HTT: variants seen among roughly 807,000 people sequenced by gnomAD.
HTT encodes the protein huntingtin, also known as huntington disease protein.
In HTT, 104 loss-of-function variants were observed where a neutral mutation model predicts 362.3. The observed-to-expected ratio is 0.29, with a 90% CI of 0.24 to 0.34. The LOEUF is 0.34. Among genes scored for constraint, HTT ranks in the 10% least tolerant of loss-of-function variants. The probability of loss-of-function intolerance (pLI) is 1.00; values close to 1 mark genes in which losing one functional copy is unlikely to be tolerated. For missense variants in HTT, 3,301 were observed against 3,928.6 expected (o/e 0.84, Z 4.27); for synonymous variants, 1,577 against 1,548.7 (o/e 1.02, Z -0.43).
intron 38 of HTT, among the ~76,000 whole-genome samples, chr4:3,187,310 T>C (rs112726921): frequency 2.3e-4 from 35 of 151,692 alleles, no homozygotes; most frequent in Admixed American, 1.0e-3. Context: ...TGCGTGCCAC[T>C]GTGCCCGGCT....
In HTT at chr4:3,116,097, C is replaced by G. The variant is rs1473697818; in HGVS notation, c.902C>G (p.Pro301Arg). The G allele has an allele frequency of 6.2e-7, 1 of 1,610,346 alleles. No individual in the cohort carries two copies. Among genetic ancestry groups the G allele is most frequent in the Non-Finnish European group, 8.5e-7 (1 of 1,177,912 alleles). ...TCCACCCCCACAGGCTTACTCGTTCCTGTCGAGGATGAACACTCCACTCTG... is the reference window on the plus strand; with the variant it reads ...TCCACCCCCACAGGCTTACTCGTTCGTGTCGAGGATGAACACTCCACTCTG... The part of the protein sequence containing the change: ...LLNVLLGLLV[P>R]VEDEHSTLLI... Residue 301 changes from proline to arginine, a missense_variant, in exon 8 of 67, where the codon CCT becomes CGT. Coordinates refer to ENST00000355072, the MANE Select transcript of HTT (RefSeq NM_001388492.1).
chr4:3,170,138 T>C (rs1389312858), intron 29 of HTT, among the ~76,000 whole-genome samples: 1 of 152,228 alleles, frequency 6.6e-6, no homozygotes, highest in Non-Finnish European at 1.5e-5. Context: ...CCCAACCTTG[T>C]GAATTTTACT....
At chr4:3,179,426 A>G (rs956073844) in intron 35 of HTT, among the ~76,000 whole-genome samples, 2 of 152,134 alleles carry the variant, frequency 1.3e-5, no homozygotes, top group Non-Finnish European at 2.9e-5. Flanking sequence ...AGGGTCAGAG[A>G]GTATACCCAT....
At chr4:3,225,851 G>T in intron 57 of HTT, 108 bp downstream of exon 57, 42 of 699,628 alleles carry the variant, frequency 6.0e-5, no homozygotes, top group South Asian at 1.9e-4. Flanking sequence ...ATGAAAGGAA[G>T]TTTTCCTTTT....
chr4:3,179,631 A>AGTGTGCCT (rs1210065232), intron 35 of HTT, among the ~76,000 whole-genome samples: 1 of 145,460 alleles, frequency 6.9e-6, no homozygotes, highest in African/African-American at 2.6e-5. Context: ...GAGGGGTCAG[A>AGTGTGCCT]GTGTGCCTGT....
intron 66 of HTT, among the ~76,000 whole-genome samples, chr4:3,239,257 G>A (rs1456109859): frequency 6.6e-6 from 1 of 152,174 alleles, no homozygotes; most frequent in East Asian, 1.9e-4. Flanking sequence ...AGCGAGGGTG[G>A]GCGGTGGTCT....
intron 37 of HTT, among the ~76,000 whole-genome samples, chr4:3,186,048 G>A (rs1043218273): frequency 2.2e-4 from 34 of 152,300 alleles, no homozygotes; most frequent in African/African-American, 7.9e-4. Context: ...GAGCAGAGAC[G>A]TTTATGATTT....
At chr4:3,083,343 A>G (rs1275428071) in intron 1 of HTT, among the ~76,000 whole-genome samples, 3 of 152,050 alleles carry the variant, frequency 2.0e-5, no homozygotes, top group Non-Finnish European at 4.4e-5. Context: ...AGCAGCACCT[A>G]TAAGGTCTCT....
chr4:3,086,290 C>G (rs1297517261), intron 1 of HTT, among the ~76,000 whole-genome samples: 4 of 152,120 alleles, frequency 2.6e-5, no homozygotes. Flanking sequence ...AGCCAGAAGA[C>G]CTGGGTTTAA....
chr4:3,234,802 C>T (rs1721442231), intron 61 of HTT, among the ~76,000 whole-genome samples: 1 of 152,184 alleles, frequency 6.6e-6, no homozygotes, highest in East Asian at 1.9e-4. Context: ...CTCCTCTGTT[C>T]ACAGTGGCCA....
rs560024030 is a variant in HTT at position 3,143,163 on chromosome 4, AT to A, written c.3066+278del. Among the ~76,000 whole-genome samples, 244 of 152,326 alleles carry A rather than the reference AT, an allele frequency of 1.6e-3. 2 individuals carry two copies. The highest frequency in any genetic ancestry group is 2.9e-3 in the Admixed American group (45 of 15,302). ...ACACAACAATTAAAATAAGCCAGGC[AT>A]GGTGGCTCATGCCTGTAATCCCAGC... On this transcript the variant is annotated intron_variant, in intron 23 of 66. Transcript: ENST00000355072.
chr4:3,105,616 T>A (rs928137902), intron 5 of HTT, among the ~76,000 whole-genome samples, 180 bp downstream of exon 5: 1 of 152,212 alleles, frequency 6.6e-6, no homozygotes, highest in African/African-American at 2.4e-5. Context: ...ACGTACAGTC[T>A]ATCTGTGTGC....
chr4:3,113,812 G>C (rs1176197899), intron 6 of HTT, among the ~76,000 whole-genome samples: 1 of 151,690 alleles, frequency 6.6e-6, no homozygotes, highest in African/African-American at 2.4e-5. Context: ...CCTGTGGCTG[G>C]CAAGGAGAGA....
intron 26 of HTT, among the ~76,000 whole-genome samples, chr4:3,149,278 T>C (rs933591763): frequency 5.3e-5 from 8 of 151,536 alleles, no homozygotes; most frequent in Admixed American, 1.3e-4. Context: ...GGATTTAAGA[T>C]AGACCAGTTC....
Position 3,075,064 on chromosome 4 carries a change from T to G in HTT, c.239T>G (p.Val80Gly). The change falls in exon 1 of 67, where the codon GTG (valine) becomes GGG (glycine). Residue 80 changes from valine (V) to glycine (G), a missense_variant. Transcript: ENST00000355072. ...CCCCCGCCGCCACCCGGCCCGGCTG[T>G]GGCTGAGGAGCCGCTGCACCGACCG... is the stretch of plus-strand genomic sequence containing the variant. ...PPPPPPPGPA[V>G]AEEPLHRPKK... The G allele has an allele frequency of 8.0e-7, 1 of 1,247,530 alleles. No homozygotes were observed. Among genetic ancestry groups the G allele is most frequent in the Non-Finnish European group, 1.0e-6 (1 of 1,002,294 alleles). The allele number at this position is 1,247,530 out of a possible 1,614,324, so 77.3% of individuals were successfully genotyped here.
intron 26 of HTT, among the ~76,000 whole-genome samples, chr4:3,153,054 G>T (rs1010362076): frequency 6.6e-6 from 1 of 152,102 alleles, no homozygotes; most frequent in Non-Finnish European, 1.5e-5. Context: ...GTCTTAGTCA[G>T]CATGGGTTGC....
At chr4:3,108,725 C>G (rs1714566934) in intron 6 of HTT, among the ~76,000 whole-genome samples, 1 of 152,158 alleles carries the variant, frequency 6.6e-6, no homozygotes, top group Admixed American at 6.5e-5. Flanking sequence ...ATTCTGCTAC[C>G]TCTCTGCTCA....
At chr4:3,167,391 C>T (rs1717771314) in intron 29 of HTT, among the ~76,000 whole-genome samples, 1 of 152,212 alleles carries the variant, frequency 6.6e-6, no homozygotes, top group Admixed American at 6.5e-5. Flanking sequence ...ATCTCCCTCT[C>T]TTTGCCCTAA....
At chr4:3,211,434 T>C (rs1408508106) in intron 47 of HTT, among the ~76,000 whole-genome samples, 1 of 152,220 alleles carries the variant, frequency 6.6e-6, no homozygotes, top group Non-Finnish European at 1.5e-5. Flanking sequence ...TTTAAATGGC[T>C]AAACAAAAGG....
Sources: allele counts gnomAD v4.1 joint callset (sites outside exome capture counted in the v4.1 genomes callset), GRCh38; gene constraint gnomAD v4.1.1; transcripts MANE v1.5; gene names NCBI Gene and HGNC (gene_info 2026-07-23, HGNC 2026-07-21).